The following CWC27 variants were observed in gnomAD, a reference collection of about 807,000 sequenced individuals.
CWC27 encodes the protein CWC27 spliceosome associated cyclophilin.
CWC27 carries 47 observed loss-of-function variants against 63.6 expected under a neutral mutation model. That is an observed-to-expected ratio of 0.74 (90% CI 0.58 to 0.94). The LOEUF (loss-of-function observed/expected upper bound fraction) is 0.94, where lower values mean the gene tolerates loss of function less well. Among genes scored for constraint, CWC27 ranks in the 40% least tolerant of loss-of-function variants. The pLI is 0.00. For missense variants in CWC27, 495 were observed against 554.3 expected (o/e 0.89, Z 1.07); for synonymous variants, 175 against 179.8 (o/e 0.97, Z 0.22).
At chr5:64,795,216 G>A (rs567703911) in intron 7 of CWC27, among the ~76,000 whole-genome samples, 119 of 152,206 alleles carry the variant, frequency 7.8e-4, no homozygotes, top group African/African-American at 2.8e-3. Context: ...GCAAAGAGGA[G>A]GTCAGAAATG....
chr5:64,937,925 T>C (rs551638107), intron 11 of CWC27, among the ~76,000 whole-genome samples: 71 of 146,762 alleles, frequency 4.8e-4, no homozygotes, highest in Middle Eastern at 6.9e-3. Context: ...TCTCTGCTTT[T>C]TTTTTTTTTT....
chr5:64,881,392 T>C (rs1209042129), intron 10 of CWC27, among the ~76,000 whole-genome samples: 2 of 152,164 alleles, frequency 1.3e-5, no homozygotes, highest in Non-Finnish European at 2.9e-5. Context: ...GCATTGTGCA[T>C]TCATTGCCCT....
intron 10 of CWC27, among the ~76,000 whole-genome samples, chr5:64,842,196 C>A (rs1042143589): frequency 1.3e-5 from 2 of 152,122 alleles, no homozygotes; most frequent in African/African-American, 4.8e-5. Flanking sequence ...TTAGTACTAT[C>A]GGGTCCTATA....
intron 10 of CWC27, among the ~76,000 whole-genome samples, chr5:64,829,208 ATTCTTT>A (rs1295451831): frequency 1.3e-5 from 2 of 152,070 alleles, no homozygotes; most frequent in Non-Finnish European, 2.9e-5. Flanking sequence ...CATGTGTTTT[ATTCTTT>A]TTCTTGTGAG....
At chr5:64,834,833 T>G (rs764679205) in intron 10 of CWC27, among the ~76,000 whole-genome samples, 1 of 151,760 alleles carries the variant, frequency 6.6e-6, no homozygotes, top group Non-Finnish European at 1.5e-5. Context: ...AAAAGCAAGC[T>G]TTATATTTGG....
rs1038789208 is a variant in CWC27 at position 65,018,477 on chromosome 5, T to A, written c.*156T>A. 3 of 626,448 alleles carry A rather than the reference T, an allele frequency of 4.8e-6. No individual in the cohort carries two copies. The African/African-American group carries it at 5.7e-5, about 12-fold the overall frequency. 38.8% of individuals were successfully genotyped at this position (626,448 alleles called of 1,614,324 possible). The stretch of plus-strand genomic sequence containing the variant: ...AACAATTATCTTGTTTTGCAAATTG[T>A]GGAATGATGTAAGCAAATGCTTTTG... On this transcript the variant is annotated 3_prime_UTR_variant, in exon 14 of 14. Coordinates refer to ENST00000381070, the MANE Select transcript of CWC27 (RefSeq NM_005869.4).
intron 11 of CWC27, among the ~76,000 whole-genome samples, chr5:64,937,060 A>G (rs1040329100): frequency 1.3e-5 from 2 of 151,982 alleles, no homozygotes; most frequent in African/African-American, 2.4e-5. Context: ...TCCTGGATTC[A>G]TTGATTTTTT....
chr5:64,872,862 T>C (rs532329246), intron 10 of CWC27, among the ~76,000 whole-genome samples: 6 of 152,258 alleles, frequency 3.9e-5, no homozygotes, highest in African/African-American at 1.2e-4. Context: ...TTTCTCCTCT[T>C]CCCAAACCCC....
At chr5:64,988,471 C>A (rs1456385293) in intron 13 of CWC27, among the ~76,000 whole-genome samples, 1 of 152,210 alleles carries the variant, frequency 6.6e-6, no homozygotes, top group East Asian at 1.9e-4. Flanking sequence ...GTTCAGGCCA[C>A]AAGTTCTGAT....
chr5:64,980,616 A>T (rs776014777), intron 13 of CWC27, among the ~76,000 whole-genome samples: 5 of 152,196 alleles, frequency 3.3e-5, no homozygotes, highest in African/African-American at 4.8e-5. Flanking sequence ...CATATACAAG[A>T]TAAAATAATA....
At chr5:64,876,040 T>G (rs71626558) in intron 10 of CWC27, among the ~76,000 whole-genome samples, 512 of 152,264 alleles carry the variant, frequency 3.4e-3, no homozygotes, top group Non-Finnish European at 6.0e-3. Flanking sequence ...TCCAATGCGG[T>G]ACTGCTAGTA....
chr5:64,977,236 A>T lies in CWC27; in HGVS notation c.1254A>T (p.Gly418=). ...IPETEVEDDE[G]WMSHVLQFED... ...AAACAGAAGTAGAAGATGATGAAGG[A>T]TGGTAAGGGCTTTGATTTCTGTATA... Residue 418 remains glycine, a splice_region_variant and synonymous_variant, in exon 13 of 14, where the codon GGA becomes GGT. Coordinates refer to ENST00000381070, the MANE Select transcript of CWC27 (RefSeq NM_005869.4). The T allele has an allele frequency of 1.3e-6, 2 of 1,599,596 alleles. No homozygotes were observed. Among genetic ancestry groups the T allele is most frequent in the Non-Finnish European group, 1.7e-6 (2 of 1,167,782 alleles).
At chr5:64,880,853 C>CTTTTTTTT (rs571051416) in intron 10 of CWC27, among the ~76,000 whole-genome samples, 3 of 136,080 alleles carry the variant, frequency 2.2e-5, no homozygotes, top group Non-Finnish European at 1.6e-5. Flanking sequence ...TTATAAAAGC[C>CTTTTTTTT]ATTTTTTTTT....
At chr5:64,883,304 A>G (rs1039098225) in intron 10 of CWC27, among the ~76,000 whole-genome samples, 7 of 111,832 alleles carry the variant, frequency 6.3e-5, no homozygotes, top group African/African-American at 2.7e-4. Flanking sequence ...GCCATACCAT[A>G]TCAGTATTAA....
chr5:64,800,975 T>C (rs916036778), intron 8 of CWC27, among the ~76,000 whole-genome samples: 13 of 152,184 alleles, frequency 8.5e-5, no homozygotes, highest in African/African-American at 3.1e-4. Flanking sequence ...TGGGGGTTTT[T>C]TTAGTCAGAA....
In CWC27 at chr5:64,803,532, G is replaced by A. The variant is rs143421539; in HGVS notation, c.781-697G>A. Among the ~76,000 whole-genome samples, 219 of 152,314 alleles carry A rather than the reference G, an allele frequency of 1.4e-3. 1 individual carries two copies. Among genetic ancestry groups the A allele is most frequent in the African/African-American group, 4.8e-3 (201 of 41,580 alleles). On this transcript the variant is annotated intron_variant, in intron 9 of 13. Coordinates refer to ENST00000381070, the MANE Select transcript of CWC27 (RefSeq NM_005869.4). ...AGATGAAAGAGTACTGGAGGTAAGT[G>A]TGTGGTTCTACCATTTTAATAGGTT...
At chr5:64,914,084 G>A (rs571892470) in intron 11 of CWC27, among the ~76,000 whole-genome samples, 1 of 152,114 alleles carries the variant, frequency 6.6e-6, no homozygotes, top group Non-Finnish European at 1.5e-5. Context: ...TTCCATGATG[G>A]TGCTGGAATT....
At chr5:64,894,704 A>G (rs1275873159) in intron 11 of CWC27, among the ~76,000 whole-genome samples, 3 of 152,220 alleles carry the variant, frequency 2.0e-5, no homozygotes, top group Non-Finnish European at 4.4e-5. Context: ...GCAAAAATGC[A>G]AGGAATACTT....
intron 10 of CWC27, among the ~76,000 whole-genome samples, chr5:64,871,681 T>A (rs915270479): frequency 1.3e-5 from 2 of 152,060 alleles, no homozygotes; most frequent in African/African-American, 4.8e-5. Context: ...CTTTAAATAT[T>A]GTTTAAAATA....
Sources: allele counts gnomAD v4.1 joint callset (sites outside exome capture counted in the v4.1 genomes callset), GRCh38; gene constraint gnomAD v4.1.1; transcripts MANE v1.5; gene names NCBI Gene and HGNC (gene_info 2026-07-23, HGNC 2026-07-21).